The following MGLL variants were observed in gnomAD, a reference collection of about 807,000 sequenced individuals.
MGLL encodes lysophospholipase homolog.
In MGLL, 7 loss-of-function variants were observed where a neutral mutation model predicts 29.1. The ratio of observed to expected loss-of-function variants is 0.24; its 90% CI spans 0.14 to 0.45. MGLL has a LOEUF of 0.45. Ranked by LOEUF, MGLL falls within the 20% of genes least tolerant of loss-of-function variation. The pLI is 0.99. For synonymous variants in MGLL, 148 were observed against 168.3 expected (o/e 0.88, Z 0.93); for missense variants, 356 against 413.6 (o/e 0.86, Z 1.21).
At chr3:127,706,296 G>A (rs1049302841) in intron 6 of MGLL, among the ~76,000 whole-genome samples, 3 of 152,278 alleles carry the variant, frequency 2.0e-5, no homozygotes, top group Non-Finnish European at 4.4e-5. Context: ...ACCCACAAAG[G>A]TACTGAGAAA....
chr3:127,816,319 G>C (rs770278258), intron 2 of MGLL, among the ~76,000 whole-genome samples: 5 of 152,182 alleles, frequency 3.3e-5, no homozygotes, highest in Non-Finnish European at 7.3e-5. Flanking sequence ...CCCAAAGCAG[G>C]GGGTGGGGGA....
intron 3 of MGLL, chr3:127,735,572 A>G: frequency 2.1e-6 from 2 of 965,612 alleles, no homozygotes; most frequent in Non-Finnish European, 1.5e-6. Context: ...TTAGAGACTC[A>G]TACTTATGTG....
intron 3 of MGLL, among the ~76,000 whole-genome samples, chr3:127,771,957 C>T (rs1318715798): frequency 6.6e-6 from 1 of 152,166 alleles, no homozygotes; most frequent in Non-Finnish European, 1.5e-5. Context: ...TTCTGTTTCT[C>T]AACACAACAG....
chr3:127,756,386 C>T (rs1045111634), intron 3 of MGLL, among the ~76,000 whole-genome samples: 2 of 152,166 alleles, frequency 1.3e-5, no homozygotes, highest in African/African-American at 2.4e-5. Flanking sequence ...CACACCTCCA[C>T]TCCAGGCCAA....
chr3:127,727,249 T>C (rs1399214859), intron 3 of MGLL, among the ~76,000 whole-genome samples: 1 of 152,206 alleles, frequency 6.6e-6, no homozygotes, highest in Non-Finnish European at 1.5e-5. Context: ...TTCCTTTCAG[T>C]GTTTAAACAT....
intron 3 of MGLL, among the ~76,000 whole-genome samples, chr3:127,727,300 C>G (rs1236660448): frequency 1.3e-5 from 2 of 152,118 alleles, no homozygotes; most frequent in Non-Finnish European, 1.5e-5. Flanking sequence ...ACCGAGGTGC[C>G]TTTGCTTTCA....
chr3:127,818,209 C>T (rs143602269), intron 2 of MGLL, among the ~76,000 whole-genome samples: 2 of 152,116 alleles, frequency 1.3e-5, no homozygotes, highest in Admixed American at 6.5e-5. Context: ...GTGATCCACC[C>T]GCCTCAGCCT....
chr3:127,718,963 T>G (rs1446084386), intron 5 of MGLL, among the ~76,000 whole-genome samples: 2 of 152,168 alleles, frequency 1.3e-5, no homozygotes, highest in Non-Finnish European at 2.9e-5. Context: ...ATGGACTTTG[T>G]CAGCCAAAAT....
chr3:127,813,507 G>A (rs1031311991), intron 2 of MGLL, among the ~76,000 whole-genome samples: 1 of 152,192 alleles, frequency 6.6e-6, no homozygotes, highest in South Asian at 2.1e-4. Context: ...GCTCCAAACC[G>A]GACATTTGCT....
chr3:127,781,206 G>T (rs193161049), intron 3 of MGLL, among the ~76,000 whole-genome samples: 1 of 152,068 alleles, frequency 6.6e-6, no homozygotes, highest in Non-Finnish European at 1.5e-5. Context: ...TGTGTTTTAC[G>T]TGTATGTGTA....
chr3:127,714,818 C>T lies in MGLL; in HGVS notation c.511-4153G>A, dbSNP rs115564249. Among the ~76,000 whole-genome samples, 906 of 152,312 alleles carry T rather than the reference C, an allele frequency of 5.9e-3. 5 individuals are homozygous for T. The highest frequency in any genetic ancestry group is 9.8e-3 in the Non-Finnish European group (665 of 68,018). On this transcript the variant is annotated intron_variant, in intron 5 of 7. Transcript: ENST00000265052. Reference sequence around the variant, plus strand: ...AAAGAGAAACCCATGAAGGAGACTTCTAGAGTCCTGGGATTCCCTTAAAAC... The same window carrying T: ...AAAGAGAAACCCATGAAGGAGACTTTTAGAGTCCTGGGATTCCCTTAAAAC...
intron 2 of MGLL, among the ~76,000 whole-genome samples, chr3:127,802,431 C>CTTTT (rs370709539): frequency 1.1e-3 from 174 of 152,364 alleles, no homozygotes; most frequent in African/African-American, 4.0e-3. Flanking sequence ...CTCTCCCACA[C>CTTTT]TTTCCCATCC....
chr3:127,794,153 T>C (rs1374088606), intron 2 of MGLL, among the ~76,000 whole-genome samples: 4 of 151,932 alleles, frequency 2.6e-5, no homozygotes, highest in Non-Finnish European at 5.9e-5. Context: ...CTACCAAAAA[T>C]ACAAAAATTA....
At chr3:127,800,555 G>A (rs1356943803) in intron 2 of MGLL, among the ~76,000 whole-genome samples, 1 of 152,170 alleles carries the variant, frequency 6.6e-6, no homozygotes, top group African/African-American at 2.4e-5. Flanking sequence ...TACTGTTATG[G>A]CTACTGTTAT....
intron 3 of MGLL, among the ~76,000 whole-genome samples, chr3:127,778,176 G>C (rs1382092824): frequency 6.6e-6 from 1 of 152,232 alleles, no homozygotes; most frequent in South Asian, 2.1e-4. Flanking sequence ...AGAAGCCAGT[G>C]TTTCCATAAA....
intron 2 of MGLL, among the ~76,000 whole-genome samples, chr3:127,792,004 G>T (rs2077307956): frequency 6.6e-6 from 1 of 152,172 alleles, no homozygotes; most frequent in Non-Finnish European, 1.5e-5. Context: ...GTAGGCAGAG[G>T]TTGCAGTGAA....
At chr3:127,799,027 AG>A (rs977360114) in intron 2 of MGLL, among the ~76,000 whole-genome samples, 1 of 152,220 alleles carries the variant, frequency 6.6e-6, no homozygotes, top group Non-Finnish European at 1.5e-5. Context: ...CAAACACCAA[AG>A]GCCTAGATAG....
intron 3 of MGLL, among the ~76,000 whole-genome samples, chr3:127,744,673 C>G (rs558964497): frequency 6.6e-6 from 1 of 152,200 alleles, no homozygotes. Flanking sequence ...AACAAAATAA[C>G]AGGATGCTCT....
chr3:127,785,791 C>T (rs761355424), intron 2 of MGLL, among the ~76,000 whole-genome samples: 1 of 152,240 alleles, frequency 6.6e-6, no homozygotes, highest in Non-Finnish European at 1.5e-5. Context: ...ACAACGTTGT[C>T]CCTGCCCACA....
Sources: allele counts gnomAD v4.1 joint callset (sites outside exome capture counted in the v4.1 genomes callset), GRCh38; gene constraint gnomAD v4.1.1; transcripts MANE v1.5; gene names NCBI Gene and HGNC (gene_info 2026-07-23, HGNC 2026-07-21).